ZNF821: variants seen among roughly 807,000 people sequenced by gnomAD.
The protein encoded by ZNF821 is zinc finger protein 821.
In ZNF821, 16 loss-of-function variants were observed where a neutral mutation model predicts 44.3. The ratio of observed to expected loss-of-function variants is 0.36; its 90% CI spans 0.24 to 0.55. The LOEUF (loss-of-function observed/expected upper bound fraction) is 0.55. Among genes scored for constraint, ZNF821 ranks in the 20% least tolerant of loss-of-function variants. ZNF821 has a pLI of 0.86. For missense variants in ZNF821, 436 were observed against 547.6 expected, an observed-to-expected ratio of 0.80 and a Z score of 2.03; for synonymous variants, 204 against 197.6, an observed-to-expected ratio of 1.03 and a Z score of -0.27.
chr16:71,887,322 C>T (rs938708697), upstream of ZNF821, among the ~76,000 whole-genome samples: 3 of 146,102 alleles, frequency 2.1e-5, no homozygotes, highest in South Asian at 2.1e-4. Flanking sequence ...TGCAGTGGCG[C>T]GATCTCGGCT....
chr16:71,869,642 T>C (rs2034966149), intron 3 of ZNF821, among the ~76,000 whole-genome samples: 3 of 151,972 alleles, frequency 2.0e-5, no homozygotes, highest in Admixed American at 2.0e-4. Flanking sequence ...TCCTTTTTCT[T>C]TTTTTTTCTT....
At chr16:71,893,588 T>C (rs578238507) in intron 1 of ZNF821, among the ~76,000 whole-genome samples, 68 of 151,948 alleles carry the variant, frequency 4.5e-4, no homozygotes, top group African/African-American at 1.3e-3. Flanking sequence ...GCCTCCCAAG[T>C]AGCTGGGATT....
At chr16:71,881,196 G>C (rs570801197) in intron 2 of ZNF821, 1 of 152,176 alleles carries the variant, frequency 6.6e-6, no homozygotes, top group Non-Finnish European at 1.5e-5. Context: ...AGTTATGGGA[G>C]ACTACTGCTA....
intron 3 of ZNF821, among the ~76,000 whole-genome samples, chr16:71,874,651 G>C (rs1340638935): frequency 6.7e-6 from 1 of 150,344 alleles, no homozygotes; most frequent in Non-Finnish European, 1.5e-5. Context: ...ACAGGGTTTT[G>C]CCATGTTGGC....
chr16:71,895,163 C>A, exon 1 of ZNF821: 1 of 252,456 alleles, frequency 4.0e-6, no homozygotes, highest in Non-Finnish European at 7.8e-6. Flanking sequence ...GTCAGAGAGG[C>A]GGTACTGGCA....
intron 4 of ZNF821, 145 bp from the exon 5 acceptor site, chr16:71,865,193 ATGTCAAGTGGAAACCAACTATAGC>A: frequency 1.8e-6 from 2 of 1,107,570 alleles, no homozygotes; most frequent in East Asian, 4.8e-5. Flanking sequence ...GGTACATATT[ATGTCAAGTGGAAACCAACTATAGC>A]TGTCATTTGT....
chr16:71,868,454 T>A (rs553941541), intron 3 of ZNF821, among the ~76,000 whole-genome samples: 1 of 152,318 alleles, frequency 6.6e-6, no homozygotes, highest in Non-Finnish European at 1.5e-5. Context: ...AGCATTATGG[T>A]CTTGACTCAG....
chr16:71,882,644 G>C (rs1306380856), intron 2 of ZNF821, among the ~76,000 whole-genome samples: 2 of 152,100 alleles, frequency 1.3e-5, no homozygotes, highest in East Asian at 3.9e-4. Flanking sequence ...GTGATCAAGA[G>C]AAAAATAAGC....
chr16:71,874,925 T>A (rs544938673), intron 3 of ZNF821, among the ~76,000 whole-genome samples: 20 of 152,288 alleles, frequency 1.3e-4, no homozygotes, highest in African/African-American at 4.8e-4. Context: ...AAGGGTAGGG[T>A]CAGCTTCAGT....
intron 4 of ZNF821, among the ~76,000 whole-genome samples, chr16:71,867,508 G>C (rs1344183277): frequency 6.6e-6 from 1 of 152,048 alleles, no homozygotes; most frequent in Non-Finnish European, 1.5e-5. Context: ...CCAACATGGA[G>C]AAACCCCGTC....
chr16:71,878,209 T>G (rs966124870), intron 3 of ZNF821, among the ~76,000 whole-genome samples: 3 of 150,362 alleles, frequency 2.0e-5, no homozygotes. Context: ...CAGGTTCAAG[T>G]GATTCTCCTG....
intron 1 of ZNF821, among the ~76,000 whole-genome samples, chr16:71,892,943 T>C (rs1354176459): frequency 2.0e-5 from 3 of 148,432 alleles, no homozygotes; most frequent in Non-Finnish European, 4.5e-5. Context: ...GTTGGCCTGG[T>C]CGGTTTCGAA....
Position 71,861,770 on chromosome 16 carries a change from G to C in ZNF821, c.584+6C>G. On this transcript the variant is annotated splice_donor_region_variant and intron_variant, in intron 7 of 7. Coordinates refer to ENST00000425432, the MANE Select transcript of ZNF821 (RefSeq NM_001201552.2). ...CCAGCACAACAGGGATAAGTGCCCA[G>C]CTGACCTGTTAAAAGTGGCATGGCT... 1 of 1,613,762 alleles carries C rather than the reference G, an allele frequency of 6.2e-7. No individual in the cohort carries two copies.
chr16:71,890,039 T>A (rs747777660), intron 1 of ZNF821, among the ~76,000 whole-genome samples: 2 of 152,204 alleles, frequency 1.3e-5, no homozygotes, highest in Non-Finnish European at 2.9e-5. Flanking sequence ...GAAATTGAGA[T>A]AATGTGTTTA....
intron 3 of ZNF821, among the ~76,000 whole-genome samples, chr16:71,873,638 G>C (rs2035466694): frequency 6.6e-6 from 1 of 152,124 alleles, no homozygotes; most frequent in Non-Finnish European, 1.5e-5. Context: ...TTACAGCAGT[G>C]GGATTCTTTT....
intron 1 of ZNF821, among the ~76,000 whole-genome samples, chr16:71,892,510 C>T (rs1452765532): frequency 6.6e-6 from 1 of 151,472 alleles, no homozygotes; most frequent in Non-Finnish European, 1.5e-5. Context: ...CCTCGTGATC[C>T]ACCCGCCTCG....
At chr16:71,866,251 A>C (rs950863795) in intron 4 of ZNF821, among the ~76,000 whole-genome samples, 3 of 152,228 alleles carry the variant, frequency 2.0e-5, no homozygotes, top group African/African-American at 7.2e-5. Flanking sequence ...TAAATCCACC[A>C]GTATGAGAGC....
At chr16:71,885,425 G>C (rs1053873554), upstream of ZNF821, 1 of 152,250 alleles carries the variant, frequency 6.6e-6, no homozygotes, top group African/African-American at 2.4e-5. Flanking sequence ...ATGTCAAATG[G>C]ATAATGATGC....
Position 71,879,896 on chromosome 16 carries a change from C to G in ZNF821, c.40+11G>C. 6.2e-7 allele frequency: 1 copy of G among 1,612,990 alleles called. No homozygotes were observed. The highest frequency in any genetic ancestry group is 1.1e-5 in the South Asian group (1 of 90,834). ...ATTCCCAGGTTCCAGAAGACAAAGC[C>G]CGATACTCACAGTGAACTTTATTTG... On this transcript the variant is annotated intron_variant, in intron 3 of 7. Transcript: ENST00000425432.
Sources: gnomAD v4.1 joint callset for allele counts (sites outside exome capture counted in the v4.1 genomes callset) on GRCh38, gnomAD v4.1.1 for gene constraint, MANE v1.5 for transcripts, NCBI Gene and HGNC (gene_info 2026-07-23, HGNC 2026-07-21) for gene names.